ANO4: variants seen among roughly 807,000 people sequenced by gnomAD.
ANO4 encodes the protein anoctamin 4, also known as anoctamin-4.
Under a neutral mutation model 141.9 loss-of-function variants are expected in ANO4, and 69 were observed. The ratio of observed to expected loss-of-function variants is 0.49; its 90% CI spans 0.40 to 0.59. ANO4 has a LOEUF of 0.59. ANO4 is among the 20% of genes least tolerant of loss of function. ANO4 has a pLI of 0.00. For synonymous variants in ANO4, 350 were observed against 394.3 expected, an observed-to-expected ratio of 0.89 and a Z score of 1.33; for missense variants, 894 against 1,162.2, an observed-to-expected ratio of 0.77 and a Z score of 3.36.
intron 14 of ANO4, among the ~76,000 whole-genome samples, chr12:101,051,370 C>T (rs1228760257): frequency 6.6e-6 from 1 of 152,090 alleles, no homozygotes; most frequent in East Asian, 1.9e-4. Flanking sequence ...CACAGAGGAA[C>T]ATTTTAGGGC....
At chr12:100,881,429 G>GA (rs74531908) in intron 1 of ANO4, among the ~76,000 whole-genome samples, 34,589 of 136,432 alleles carry the variant, frequency 0.25, 4,538 homozygotes, top group African/African-American at 0.38. Flanking sequence ...TTATCTTTAG[G>GA]AAAAAAAAAA....
intron 3 of ANO4, among the ~76,000 whole-genome samples, chr12:100,741,838 T>C (rs1281364682): frequency 6.6e-6 from 1 of 152,148 alleles, no homozygotes; most frequent in Non-Finnish European, 1.5e-5. Context: ...ATATATAAAG[T>C]ACCTCCTTTA....
At chr12:100,722,190 ATC>A (rs1182191528) in intron 1 of ANO4, among the ~76,000 whole-genome samples, 1 of 151,990 alleles carries the variant, frequency 6.6e-6, no homozygotes, top group African/African-American at 2.4e-5. Context: ...TTTCCTTAAC[ATC>A]TTTCAACTTT....
At chr12:100,739,295 A>T (rs2031762179) in intron 2 of ANO4, among the ~76,000 whole-genome samples, 1 of 151,990 alleles carries the variant, frequency 6.6e-6, no homozygotes, top group Non-Finnish European at 1.5e-5. Context: ...ATCCCTAGAA[A>T]GCCTCCCTCC....
chr12:101,060,262 C>T (rs749189735), intron 14 of ANO4, among the ~76,000 whole-genome samples: 16 of 152,056 alleles, frequency 1.1e-4, no homozygotes, highest in South Asian at 4.1e-4. Context: ...TTATGATTTC[C>T]GTTCTTTTGC....
intron 21 of ANO4, among the ~76,000 whole-genome samples, chr12:101,098,507 A>T (rs1485304328): frequency 6.6e-6 from 1 of 152,206 alleles, no homozygotes; most frequent in Non-Finnish European, 1.5e-5. Flanking sequence ...GTAGAGACAA[A>T]GAAAACTCAA....
chr12:101,077,962 T>C lies in ANO4; in HGVS notation c.1313-1231T>C, dbSNP rs553318767. ...TGCCAACAGTAGCACAGCTTGTATC[T>C]GATCTGGATTTCAAATTTAGGACTG... is the stretch of plus-strand genomic sequence containing the variant. On this transcript the variant is annotated intron_variant, in intron 14 of 27. Transcript: ENST00000392977. Among the ~76,000 whole-genome samples the C allele has an allele frequency of 3.9e-5, 6 of 152,290 alleles. No individual in the cohort carries two copies. The South Asian group carries it at 1.2e-3, about 32-fold the overall frequency.
At chr12:101,103,217 A>ATCTT (rs2050276360) in intron 22 of ANO4, among the ~76,000 whole-genome samples, 1 of 91,998 alleles carries the variant, frequency 1.1e-5, no homozygotes, top group Non-Finnish European at 2.4e-5. Flanking sequence ...ATATATATAT[A>ATCTT]TATATATATA....
At chr12:101,045,806 C>A (rs992231538) in intron 13 of ANO4, among the ~76,000 whole-genome samples, 2 of 152,330 alleles carry the variant, frequency 1.3e-5, no homozygotes, top group Non-Finnish European at 2.9e-5. Context: ...TAGACTAGTT[C>A]TCTGTACAAT....
chr12:101,086,080 CTGTGTGTGTG>C (rs56891905), intron 16 of ANO4, among the ~76,000 whole-genome samples: 1,597 of 131,802 alleles, frequency 0.012, 27 homozygotes, highest in African/African-American at 0.04. Context: ...GTTAACTAGG[CTGTGTGTGTG>C]TGTGTGTGTG....
chr12:101,027,618 G>A (rs2046798385), intron 9 of ANO4, among the ~76,000 whole-genome samples: 1 of 152,138 alleles, frequency 6.6e-6, no homozygotes, highest in Non-Finnish European at 1.5e-5. Flanking sequence ...GCCTCTTCAG[G>A]CACTGACATA....
At chr12:100,795,640 T>C (rs1211816607) in intron 1 of ANO4, among the ~76,000 whole-genome samples, 5 of 152,180 alleles carry the variant, frequency 3.3e-5, no homozygotes, top group African/African-American at 1.2e-4. Flanking sequence ...ATTGCTTCTT[T>C]CCCTTCTGAG....
At chr12:101,014,299 C>T (rs193123090) in intron 8 of ANO4, among the ~76,000 whole-genome samples, 72 of 152,242 alleles carry the variant, frequency 4.7e-4, no homozygotes, top group African/African-American at 1.2e-3. Context: ...AACCCGATTG[C>T]GCAGCGTATT....
intron 18 of ANO4, 42 bp from the exon 19 acceptor site, chr12:101,096,494 T>G: frequency 2.5e-5 from 36 of 1,468,044 alleles, no homozygotes; most frequent in Non-Finnish European, 2.9e-5. Flanking sequence ...TGAGAGGGGA[T>G]GAGATTCAGC....
At chr12:100,811,988 A>T (rs2035465462) in intron 1 of ANO4, among the ~76,000 whole-genome samples, 1 of 151,804 alleles carries the variant, frequency 6.6e-6, no homozygotes, top group Non-Finnish European at 1.5e-5. Flanking sequence ...ACATGTGTGT[A>T]CACATATGCA....
chr12:100,717,577 C>CGGCGGGGCGGAAG (rs1046635987), intron 1 of ANO4: 8 of 399,800 alleles, frequency 2.0e-5, no homozygotes, highest in African/African-American at 1.6e-4. Flanking sequence ...GTTCCTGGGG[C>CGGCGGGGCGGAAG]GGCGGGGCGG....
intron 1 of ANO4, among the ~76,000 whole-genome samples, chr12:100,816,060 T>C (rs2135719846): frequency 6.6e-6 from 1 of 152,182 alleles, no homozygotes; most frequent in South Asian, 2.1e-4. Flanking sequence ...TTAATTGTGT[T>C]CTTTAATTTC....
At chr12:100,825,347 A>T (rs2036273170) in intron 1 of ANO4, among the ~76,000 whole-genome samples, 1 of 152,054 alleles carries the variant, frequency 6.6e-6, no homozygotes, top group African/African-American at 2.4e-5. Flanking sequence ...CTCTATGTAC[A>T]TGATTTCATT....
At chr12:100,784,678 A>C (rs1272386553) in intron 3 of ANO4, among the ~76,000 whole-genome samples, 2 of 152,234 alleles carry the variant, frequency 1.3e-5, no homozygotes, top group African/African-American at 4.8e-5. Context: ...CCTCCAAAGG[A>C]AAAAGGAAGA....
Sources: gnomAD v4.1 joint callset for allele counts (sites outside exome capture counted in the v4.1 genomes callset) on GRCh38, gnomAD v4.1.1 for gene constraint, MANE v1.5 for transcripts, NCBI Gene and HGNC (gene_info 2026-07-23, HGNC 2026-07-21) for gene names.